The following CDK16 variants were observed in gnomAD, a reference collection of about 807,000 sequenced individuals.
The protein encoded by CDK16 is cyclin dependent kinase 16, also known as cyclin-dependent kinase 16.
CDK16 carries 2 observed loss-of-function variants against 41.6 expected under a neutral mutation model. The observed-to-expected ratio is 0.05, with a 90% confidence interval of 0.02 to 0.15. CDK16 has a LOEUF of 0.15. CDK16 is among the 10% of genes least tolerant of loss of function. CDK16 has a pLI of 1.00. For missense variants in CDK16, 228 were observed against 428.9 expected, an observed-to-expected ratio of 0.53 and a Z score of 4.14; for synonymous variants, 169 against 169.7, an observed-to-expected ratio of 1.00 and a Z score of 0.03.
Position 47,229,529 on chromosome X carries a change from G to C in CDK16, c.*761G>C, listed in dbSNP as rs1409782454. 8.3e-6 allele frequency: 2 copies of C among 240,188 alleles called. No individual in the cohort carries two copies. Among genetic ancestry groups the C allele is most frequent in the Non-Finnish European group, 1.6e-5 (2 of 126,618 alleles). The allele number at this position is 240,188 out of a possible 1,213,427, so 19.8% of individuals were successfully genotyped here. A position where few individuals can be genotyped will look rare whatever the true frequency, so the allele number is the denominator to read the frequency against. On this transcript the variant is annotated 3_prime_UTR_variant, in exon 16 of 16. Transcript: ENST00000357227. Reference sequence around the variant, plus strand: ...CGCCCGCCATCCCCAGTTGCAGGGGGATCTGGGGACTACCAGAGACTCTGG... The same window carrying C: ...CGCCCGCCATCCCCAGTTGCAGGGGCATCTGGGGACTACCAGAGACTCTGG...
In CDK16 at chrX:47,222,963, C is replaced by A. The variant is rs1188793039; in HGVS notation, c.-6-589C>A. 14 of 785,925 alleles carry A rather than the reference C, an allele frequency of 1.8e-5. 2 individuals carry two copies. In the Admixed American group the frequency reaches 3.0e-4, roughly 17 times the overall value. The allele number at this position is 785,925 out of a possible 1,213,427, so 64.8% of individuals were successfully genotyped here. A position where few individuals can be genotyped will look rare whatever the true frequency, so the allele number is the denominator to read the frequency against. On this transcript the variant is annotated intron_variant, in intron 1 of 15. Transcript: ENST00000357227. ...ACCCTGACACACGCTCCCCTCCCCC[C>A]CCCCACCTGGGTAGATGAATGGGAT...
At chrX:47,222,818 T>C in intron 1 of CDK16, 1 of 361,232 alleles carries the variant, frequency 2.8e-6, no homozygotes, top group Non-Finnish European at 4.8e-6. Flanking sequence ...AAAGTCTAGA[T>C]TGGACCCTAG....
intron 10 of CDK16, 26 bp downstream of exon 10, chrX:47,226,729 G>A (rs1373481835): frequency 4.2e-6 from 5 of 1,195,930 alleles, no homozygotes; most frequent in Non-Finnish European, 4.5e-6. Context: ...AGTGTGGCAG[G>A]GGCCATGTGG....
chrX:47,227,021 G>A lies in CDK16; in HGVS notation c.1163G>A (p.Gly388Asp). 2.5e-6 allele frequency: 3 copies of A among 1,211,732 alleles called. No individual in the cohort carries two copies. The highest frequency in any genetic ancestry group is 3.4e-6 in the Non-Finnish European group (3 of 895,312). Reference sequence around the variant, plus strand: ...ACCCCAACTGAGGAGACGTGGCCAGGCATCCTGTCCAACGAGGAGTTCAAG... The same window carrying A: ...ACCCCAACTGAGGAGACGTGGCCAGACATCCTGTCCAACGAGGAGTTCAAG... ...LGTPTEETWPGILSNEEFKTY... is the reference protein window; with the variant it reads ...LGTPTEETWPDILSNEEFKTY... Residue 388 changes from glycine to aspartate, a missense_variant, in exon 12 of 16, where the codon GGC (glycine) becomes GAC (aspartate). By Grantham distance (94) the Gly-to-Asp change is moderately conservative (BLOSUM62 -1). Around this residue, in one of 3 missense-constraint regions of CDK16, gnomAD observed 91 missense variants for 129.5 expected, o/e 0.70. Coordinates refer to ENST00000357227, the MANE Select transcript of CDK16 (RefSeq NM_006201.5).
rs772652753 is a variant in CDK16 at position 47,226,383 on chromosome X, G to A, written c.897G>A (p.Glu299=). ...PQNLLINERG[E]LKLADFGLAR... is the part of the protein sequence containing the mutation. The stretch of plus-strand genomic sequence containing the variant: ...ACCTGCTCATCAACGAGAGGGGAGA[G>A]CTCAAGCTGGCTGACTTTGGTACCA... The change falls in exon 9 of 16, where the codon GAG becomes GAA. Residue 299 remains glutamate (E), a synonymous_variant. Transcript: ENST00000357227. 49 of 1,207,222 alleles carry A rather than the reference G, an allele frequency of 4.1e-5. No individual in the cohort carries two copies. The highest frequency in any genetic ancestry group is 5.4e-5 in the Non-Finnish European group (48 of 894,176).
At position 47,226,720 on chromosome X, in the gene CDK16, G is replaced by T. The variant is rs1447654313; in HGVS notation, c.1037+17G>T. 2.5e-6 allele frequency: 3 copies of T among 1,199,801 alleles called. No homozygotes were observed. The highest frequency in any genetic ancestry group is 2.2e-5 in the Admixed American group (1 of 45,769). ...TGACATGTGGTAAGGACAGGTGGAA[G>T]TGTGGCAGGGGCCATGTGGTAAAGG... On this transcript the variant is annotated intron_variant, in intron 10 of 15. Coordinates refer to ENST00000357227, the MANE Select transcript of CDK16 (RefSeq NM_006201.5).
At chrX:47,218,508 C>T (rs782136869), upstream of CDK16, 2 of 898,596 alleles carry the variant, frequency 2.2e-6, no homozygotes, top group African/African-American at 4.1e-5. Flanking sequence ...CTCACCTAGG[C>T]GCTAGCAAAC....
At chrX:47,223,177 C>A (rs1370088563) in intron 1 of CDK16, 1 of 1,157,031 alleles carries the variant, frequency 8.6e-7, no homozygotes, top group Admixed American at 2.6e-5. Flanking sequence ...CATGGCTGGG[C>A]CCATCACTGC....
At chrX:47,223,314 G>A in intron 1 of CDK16, 1 of 1,153,249 alleles carries the variant, frequency 8.7e-7, no homozygotes, top group Non-Finnish European at 1.1e-6. Flanking sequence ...GAACTCAGGT[G>A]GGCTACGTAG....
At chrX:47,228,402 C>A (rs958066177) in intron 14 of CDK16, 165 bp from the exon 15 acceptor site, 6 of 435,781 alleles carry the variant, frequency 1.4e-5, no homozygotes, top group African/African-American at 1.2e-4. Context: ...TATATTTCAT[C>A]TTCCCTGGTT....
rs757772079 is a variant in CDK16, at chrX:47,227,364, C to T, written c.1285-15C>T. 31 of 1,188,345 alleles carry T rather than the reference C, an allele frequency of 2.6e-5. No homozygotes were observed. The highest frequency in any genetic ancestry group is 1.1e-4 in the Admixed American group (5 of 45,253). On this transcript the variant is annotated splice_polypyrimidine_tract_variant and intron_variant, in intron 13 of 15. Transcript: ENST00000357227. Reference sequence around the variant, plus strand: ...AAGATATCAATACTATCCCCCTCCCCGCACCCCCACTCAGTTTGAGGGTCG... The same window carrying T: ...AAGATATCAATACTATCCCCCTCCCTGCACCCCCACTCAGTTTGAGGGTCG...
Position 47,226,844 on chromosome X carries a change from C to T in CDK16, c.1070C>T (p.Thr357Ile), listed in dbSNP as rs1206869924. The T allele has an allele frequency of 6.6e-6, 8 of 1,209,678 alleles. No individual in the cohort carries two copies. Among genetic ancestry groups the T allele is most frequent in the Non-Finnish European group, 8.9e-6 (8 of 894,190 alleles). The change falls in exon 11 of 16, where the codon ACA becomes ATA. Residue 357 changes from threonine to isoleucine, a missense_variant. By Grantham distance (89) the Thr-to-Ile change is moderately conservative (BLOSUM62 -1). This residue lies in a region of CDK16 where 91 missense variants were observed against 129.5 expected (regional missense o/e 0.70). Transcript: ENST00000357227. ...GGCTGCATCTTCTATGAGATGGCCA[C>T]AGGCCGTCCCCTCTTTCCGGGCTCC... ...GVGCIFYEMA[T>I]GRPLFPGSTV...
intron 13 of CDK16, 65 bp downstream of exon 13, chrX:47,227,288 C>A: frequency 2.7e-6 from 3 of 1,110,132 alleles, no homozygotes; most frequent in Admixed American, 4.6e-5. Context: ...AGGGACCCCC[C>A]CCCTCAAACC....
chrX:47,223,432 T>C (rs1216003765), intron 1 of CDK16, 120 bp from the exon 2 acceptor site: 21 of 984,094 alleles, frequency 2.1e-5, no homozygotes, highest in Non-Finnish European at 2.8e-5. Context: ...TCCATAGTGG[T>C]TGAGTGAGCA....
intron 1 of CDK16, 100 bp from the exon 2 acceptor site, chrX:47,223,452 T>A: frequency 1.0e-6 from 1 of 990,726 alleles, no homozygotes; most frequent in Non-Finnish European, 1.4e-6. Context: ...ACTGACAAGT[T>A]CATGTCAGTG....
chrX:47,220,413 A>G, intron 1 of CDK16, among the ~76,000 whole-genome samples: 2 of 108,368 alleles, frequency 1.8e-5, no homozygotes, highest in South Asian at 8.3e-4. Flanking sequence ...AGAGAGCAAT[A>G]GAGGACAGGA....
In CDK16 at chrX:47,218,764, G is replaced by C; in HGVS notation, c.-348G>C. On this transcript the variant is annotated 5_prime_UTR_variant, in exon 1 of 16. Transcript: ENST00000357227. ...TTGGGCCGTTGGCTGTTCGGCCCTG[G>C]GATCCGCCGCCACTCCGCGATCAGA... is the stretch of plus-strand genomic sequence containing the variant. 1 of 1,157,060 alleles carries C rather than the reference G, an allele frequency of 8.6e-7. No homozygotes were observed. The highest frequency in any genetic ancestry group is 1.1e-6 in the Non-Finnish European group (1 of 870,558).
In CDK16 at chrX:47,223,660, G is replaced by A; in HGVS notation, c.103G>A (p.Glu35Lys). 1 of 1,211,406 alleles carries A rather than the reference G, an allele frequency of 8.3e-7. No homozygotes were observed. The highest frequency in any genetic ancestry group is 1.1e-6 in the Non-Finnish European group (1 of 895,275). ...TGCCCCTGAGCAGATAGGCCTGGATGAGAGTGGTGGTGGTGGCGGCAGTGA... is the reference window on the plus strand; with the variant it reads ...TGCCCCTGAGCAGATAGGCCTGGATAAGAGTGGTGGTGGTGGCGGCAGTGA... Reference protein sequence around the residue: ...NGAPEQIGLDESGGGGGSDPG... With the variant: ...NGAPEQIGLDKSGGGGGSDPG... The change falls in exon 2 of 16, where the codon GAG becomes AAG. Residue 35 changes from glutamate (E) to lysine (K), a missense_variant. This residue lies in a region of CDK16 where 71 missense variants were observed against 102.2 expected (regional missense o/e 0.69). Coordinates refer to ENST00000357227, the MANE Select transcript of CDK16 (RefSeq NM_006201.5).
intron 1 of CDK16, among the ~76,000 whole-genome samples, chrX:47,220,291 C>A (rs1233400783): frequency 1.0e-5 from 1 of 99,593 alleles, no homozygotes; most frequent in African/African-American, 3.8e-5. Context: ...GGGTGCTACT[C>A]GGGGGTAGGG....
Sources: gnomAD v4.1 joint callset for allele counts (sites outside exome capture counted in the v4.1 genomes callset) on GRCh38, gnomAD v4.1.1 for gene constraint, gnomAD v4.1.1 regional missense constraint, MANE v1.5 for transcripts, NCBI Gene and HGNC (gene_info 2026-07-23, HGNC 2026-07-21) for gene names.